DNMT3B: variants seen among roughly 807,000 people sequenced by gnomAD.
DNMT3B encodes the protein DNA methyltransferase 3 beta, also known as DNA (cytosine-5)-methyltransferase 3B.
Under a neutral mutation model 120.2 loss-of-function variants are expected in DNMT3B, and 37 were observed. The ratio of observed to expected loss-of-function variants is 0.31; its 90% CI spans 0.24 to 0.40. The LOEUF is 0.40. Among genes scored for constraint, DNMT3B ranks in the 10% least tolerant of loss-of-function variants. The pLI is 1.00. For synonymous variants in DNMT3B, 412 were observed against 442.8 expected, an observed-to-expected ratio of 0.93 and a Z score of 0.87; for missense variants, 878 against 1,137.3, an observed-to-expected ratio of 0.77 and a Z score of 3.28.
intron 1 of DNMT3B, among the ~76,000 whole-genome samples, chr20:32,773,142 T>C (rs903797552): frequency 6.7e-6 from 1 of 149,730 alleles, no homozygotes; most frequent in Non-Finnish European, 1.5e-5. Flanking sequence ...AGAGGGAGCC[T>C]GAGCCTGTAC....
In DNMT3B at chr20:32,801,254, C is replaced by T. The variant is rs575240940; in HGVS notation, c.1997-24C>T. 1.2e-4 allele frequency: 193 copies of T among 1,613,986 alleles called. 2 individuals are homozygous for T. In the South Asian group the frequency reaches 1.2e-3, roughly 10 times the overall value. ...GGCTGGAGGTTTCAAATGAACCCTG[C>T]GCTGTCATCTTTTCTGAGCACAGAG... On this transcript the variant is annotated intron_variant, in intron 18 of 22. Transcript: ENST00000328111.
At chr20:32,775,959 G>A (rs1988048664) in intron 1 of DNMT3B, among the ~76,000 whole-genome samples, 1 of 152,198 alleles carries the variant, frequency 6.6e-6, no homozygotes, top group East Asian at 1.9e-4. Context: ...TGGCAGACAG[G>A]CTGGGTGCAG....
chr20:32,764,510 T>C (rs2424904), intron 1 of DNMT3B, among the ~76,000 whole-genome samples: 87,768 of 152,040 alleles, frequency 0.58, 28,698 homozygotes, highest in East Asian at 0.92. Context: ...CCTGCCTTCA[T>C]GAAGGCAGCT....
rs553403252 is a variant in DNMT3B, at chr20:32,806,525, T to A, written c.2420+198T>A. 5.9e-4 allele frequency among the ~76,000 whole-genome samples: 90 copies of A among 152,312 alleles called. 1 individual carries two copies. The highest frequency in any genetic ancestry group is 2.1e-3 in the African/African-American group (87 of 41,572). On this transcript the variant is annotated intron_variant, in intron 22 of 22. Coordinates refer to ENST00000328111, the MANE Select transcript of DNMT3B (RefSeq NM_006892.4). ...GAGGGGGTGTGGTGGTGGTGAGGAA[T>A]CTGAGACATGAGGTCATTAGGCCAC...
intron 14 of DNMT3B, among the ~76,000 whole-genome samples, chr20:32,797,826 A>C (rs184752914): frequency 6.9e-4 from 105 of 151,988 alleles, no homozygotes; most frequent in African/African-American, 2.4e-3. Context: ...CGCCCAGATA[A>C]TTTTTGTGTT....
chr20:32,787,759 A>G lies in DNMT3B; in HGVS notation c.654+308A>G, dbSNP rs192940189. Among the ~76,000 whole-genome samples, 446 of 152,322 alleles carry G rather than the reference A, an allele frequency of 2.9e-3. 2 individuals carry two copies. The highest frequency in any genetic ancestry group is 9.5e-3 in the African/African-American group (396 of 41,572). ...ACATTTCATGTACGCCCGTGTGAAGAGACCACCAAACAGGCTTTGTGTGAG... is the reference window on the plus strand; with the variant it reads ...ACATTTCATGTACGCCCGTGTGAAGGGACCACCAAACAGGCTTTGTGTGAG... On this transcript the variant is annotated intron_variant, in intron 6 of 22. Coordinates refer to ENST00000328111, the MANE Select transcript of DNMT3B (RefSeq NM_006892.4).
chr20:32,780,257 A>G (rs1978430647), intron 1 of DNMT3B, 61 bp from the exon 2 acceptor site: 1 of 1,613,420 alleles, frequency 6.2e-7, no homozygotes, highest in Non-Finnish European at 8.5e-7. Flanking sequence ...TGGCGGGGGA[A>G]CACTGTCCCT....
rs758536558 is a variant in DNMT3B, at chr20:32,780,369, G to A, written c.46G>A (p.Gly16Arg). The A allele has an allele frequency of 1.1e-5, 17 of 1,613,906 alleles. No homozygotes were observed. The highest frequency in any genetic ancestry group is 1.3e-5 in the African/African-American group (1 of 74,916). The change falls in exon 2 of 23, where the codon GGG becomes AGG. Residue 16 changes from glycine (G) to arginine (R), a missense_variant. Physicochemically the swap from Gly to Arg is moderately radical, Grantham distance 125 (BLOSUM62 -2). This residue lies in a region of DNMT3B where 287 missense variants were observed against 306.2 expected (regional missense o/e 0.94). Transcript: ENST00000328111. ...RHLNGEEDAG[G>R]REDSILVNGA... ...TCTCAATGGAGAGGAGGACGCCGGC[G>A]GGAGGGAAGACTCGATCCTCGTCAA... is the stretch of plus-strand genomic sequence containing the variant.
At position 32,781,371 on chromosome 20, in the gene DNMT3B, G is replaced by A. The variant is rs17123590; in HGVS notation, c.161G>A (p.Arg54Gln). The A allele has an allele frequency of 8.1e-6, 13 of 1,614,026 alleles. No individual in the cohort carries two copies. Among genetic ancestry groups the A allele is most frequent in the South Asian group, 5.5e-5 (5 of 91,080 alleles). ...TCTACAGGCCGAAGATCAAGCTCGC[G>A]ACTCTCCAAGAGGGAGGTGTCCAGT... ...PEIRGRRSSS[R>Q]LSKREVSSLL... The change falls in exon 3 of 23, where the codon CGA (arginine) becomes CAA (glutamine). Residue 54 changes from arginine to glutamine, a missense_variant. Arg to Gln is a conservative substitution (Grantham distance 43). Around this residue, in one of 4 missense-constraint regions of DNMT3B, gnomAD observed 287 missense variants for 306.2 expected, o/e 0.94. Transcript: ENST00000328111.
At chr20:32,774,959 T>C (rs962593798) in intron 1 of DNMT3B, among the ~76,000 whole-genome samples, 8 of 151,978 alleles carry the variant, frequency 5.3e-5, no homozygotes, top group Non-Finnish European at 1.2e-4. Flanking sequence ...TGGCCTCAAG[T>C]GATCAACCCG....
chr20:32,786,687 C>T, intron 5 of DNMT3B, 60 bp downstream of exon 5: 2 of 1,609,754 alleles, frequency 1.2e-6, no homozygotes, highest in Non-Finnish European at 1.7e-6. Flanking sequence ...ATATGCCTCA[C>T]TCACTGCACT....
chr20:32,792,513 GA>G, intron 8 of DNMT3B, 112 bp from the exon 9 acceptor site: 1 of 1,580,064 alleles, frequency 6.3e-7, no homozygotes, highest in Non-Finnish European at 8.6e-7. Context: ...GTCTGGCTAT[GA>G]AAGGGCCCAG....
chr20:32,802,789 C>CA (rs1174069251), intron 20 of DNMT3B, among the ~76,000 whole-genome samples: 5 of 152,156 alleles, frequency 3.3e-5, no homozygotes, highest in Admixed American at 3.3e-4. Flanking sequence ...CGCTTGAGCC[C>CA]AGGAGTTCTA....
At chr20:32,802,007 G>A (rs531892745) in intron 19 of DNMT3B, among the ~76,000 whole-genome samples, 14 of 152,132 alleles carry the variant, frequency 9.2e-5, no homozygotes, top group Non-Finnish European at 1.9e-4. Flanking sequence ...ACTCTAGAGA[G>A]TTTTCTCATT....
rs1981150437 is a variant in DNMT3B, at chr20:32,800,176, G to A, written c.1783G>A (p.Gly595Ser). The A allele has an allele frequency of 6.2e-7, 1 of 1,614,206 alleles. No homozygotes were observed. The highest frequency in any genetic ancestry group is 8.5e-7 in the Non-Finnish European group (1 of 1,180,050). Residue 595 changes from glycine to serine, a missense_variant, in exon 17 of 23, where the codon GGC (glycine) becomes AGC (serine). Physicochemically the swap from Gly to Ser is moderately conservative, Grantham distance 56. Coordinates refer to ENST00000328111, the MANE Select transcript of DNMT3B (RefSeq NM_006892.4). Reference sequence around the variant, plus strand: ...AGGCTACCTAGTCCTCAAAGAGTTGGGCATAAAGGTAGGAAAGTACGTCGC... The same window carrying A: ...AGGCTACCTAGTCCTCAAAGAGTTGAGCATAAAGGTAGGAAAGTACGTCGC... Reference protein sequence around the residue: ...ATGYLVLKELGIKVGKYVASE... With the variant: ...ATGYLVLKELSIKVGKYVASE...
Position 32,791,585 on chromosome 20 carries a change from T to A in DNMT3B, c.814-16T>A. On this transcript the variant is annotated splice_polypyrimidine_tract_variant and intron_variant, in intron 7 of 22. Transcript: ENST00000328111. ...CACACCTGTAGGTGGATGTTGATGA[T>A]GTCTTTCTCTTTTAGGTCTCTGCAG... 1 of 1,613,858 alleles carries A rather than the reference T, an allele frequency of 6.2e-7. No homozygotes were observed. The highest frequency in any genetic ancestry group is 1.1e-5 in the South Asian group (1 of 91,044).
At chr20:32,783,574 C>G (rs756790575) in intron 3 of DNMT3B, among the ~76,000 whole-genome samples, 1 of 151,978 alleles carries the variant, frequency 6.6e-6, no homozygotes, top group African/African-American at 2.4e-5. Flanking sequence ...TGGTGGTGGC[C>G]AACCTACTTA....
At chr20:32,769,051 T>G (rs1341244839) in intron 1 of DNMT3B, among the ~76,000 whole-genome samples, 1 of 152,182 alleles carries the variant, frequency 6.6e-6, no homozygotes, top group Non-Finnish European at 1.5e-5. Flanking sequence ...ACCACAAAAC[T>G]AGCAAGGAGT....
chr20:32,773,186 G>A (rs542269511), intron 1 of DNMT3B, among the ~76,000 whole-genome samples: 2 of 151,316 alleles, frequency 1.3e-5, no homozygotes, highest in South Asian at 4.2e-4. Flanking sequence ...GGCTCACTGC[G>A]ACGTCCACCT....
Sources: allele counts gnomAD v4.1 joint callset (sites outside exome capture counted in the v4.1 genomes callset), GRCh38; gene constraint gnomAD v4.1.1; regional missense constraint gnomAD v4.1.1; transcripts MANE v1.5; gene names NCBI Gene and HGNC (gene_info 2026-07-23, HGNC 2026-07-21).